Variants in IBTK observed in about 807,000 individuals in gnomAD.
IBTK encodes inhibitor of Bruton tyrosine kinase.
A neutral mutation model predicts 154.9 loss-of-function variants in IBTK; 83 were observed. The ratio of observed to expected loss-of-function variants is 0.54; its 90% CI spans 0.45 to 0.64. The LOEUF is 0.64. IBTK is among the 30% of genes least tolerant of loss of function. The probability of loss-of-function intolerance (pLI) is 0.00; values close to 1 mark genes in which losing one functional copy is unlikely to be tolerated. For missense variants in IBTK, 1,332 were observed against 1,584.6 expected, an observed-to-expected ratio of 0.84 and a Z score of 2.71; for synonymous variants, 515 against 536.1, an observed-to-expected ratio of 0.96 and a Z score of 0.54.
intron 25 of IBTK, chr6:82,188,953 C>G (rs1768655501): frequency 2.5e-6 from 1 of 397,952 alleles, no homozygotes; most frequent in Admixed American, 3.1e-5. Context: ...TCGCTTGAAC[C>G]TAGGAGGCGG....
chr6:82,189,049 T>G, intron 25 of IBTK: 1 of 447,630 alleles, frequency 2.2e-6, no homozygotes, highest in Non-Finnish European at 4.5e-6. Context: ...GAAGAAAAAG[T>G]AAGAAATTTA....
intron 16 of IBTK, among the ~76,000 whole-genome samples, chr6:82,209,654 C>T (rs534399878): frequency 6.6e-6 from 1 of 152,200 alleles, no homozygotes; most frequent in East Asian, 1.9e-4. Context: ...GATAGTTGCA[C>T]AAATTCATAA....
At chr6:82,223,759 G>A in intron 7 of IBTK, 139 bp from the exon 8 acceptor site, 1 of 670,366 alleles carries the variant, frequency 1.5e-6, no homozygotes, top group Non-Finnish European at 2.5e-6. Flanking sequence ...TGGAGCTCGA[G>A]ACCAGCCTGT....
Position 82,214,308 on chromosome 6 carries a change from C to T in IBTK, c.2123G>A (p.Gly708Glu). 1 of 1,613,078 alleles carries T rather than the reference C, an allele frequency of 6.2e-7. No individual in the cohort carries two copies. The highest frequency in any genetic ancestry group is 8.5e-7 in the Non-Finnish European group (1 of 1,179,694). The stretch of plus-strand genomic sequence containing the variant: ...AGGATCATCTTCCCTAATATTTTTT[C>T]CTTTTTTACAAGATTTAGGTTTGCT... ...QKSKPKSCKK[G>E]KNIREDDPVR... Residue 708 changes from glycine to glutamate, a missense_variant, in exon 12 of 29, where the codon GGA (glycine) becomes GAA (glutamate). Gly to Glu is a moderately conservative substitution (Grantham distance 98). Around this residue, in one of 3 missense-constraint regions of IBTK, gnomAD observed 1,134 missense variants for 1,274.7 expected, o/e 0.89. Transcript: ENST00000306270.
At chr6:82,175,534 G>A (rs1022272736) in intron 26 of IBTK, among the ~76,000 whole-genome samples, 1 of 152,056 alleles carries the variant, frequency 6.6e-6, no homozygotes, top group African/African-American at 2.4e-5. Context: ...TTCTTAAAAT[G>A]AACCAAATTT....
Position 82,194,528 on chromosome 6 carries a change from T to C in IBTK, c.3289A>G (p.Asn1097Asp), listed in dbSNP as rs958237256. 1.2e-6 allele frequency: 2 copies of C among 1,605,770 alleles called. No individual in the cohort carries two copies. The highest frequency in any genetic ancestry group is 1.3e-5 in the African/African-American group (1 of 74,770). The stretch of plus-strand genomic sequence containing the variant: ...GCAGAGCTGGTAGTATCAATTCTGT[T>C]ACTGGGAATAGGCTGTGGAGCAGAT... ...KISAPQPIPSNRIDTTSSASW... is the reference protein window; with the variant it reads ...KISAPQPIPSDRIDTTSSASW... Residue 1097 changes from asparagine to aspartate, a missense_variant, in exon 23 of 29, where the codon AAC becomes GAC. Transcript: ENST00000306270.
chr6:82,199,066 T>C (rs1769101902), intron 21 of IBTK, among the ~76,000 whole-genome samples: 1 of 152,174 alleles, frequency 6.6e-6, no homozygotes, highest in South Asian at 2.1e-4. Context: ...ATATGAAGTA[T>C]AATACTAATT....
rs1768333119 is a variant in IBTK at position 82,181,918 on chromosome 6, A to G, written c.3686T>C (p.Phe1229Ser). Residue 1229 changes from phenylalanine to serine, a missense_variant, in exon 26 of 29, where the codon TTT becomes TCT. Physicochemically the swap from Phe to Ser is radical, Grantham distance 155 (BLOSUM62 -2). Coordinates refer to ENST00000306270, the MANE Select transcript of IBTK (RefSeq NM_015525.4). Reference sequence around the variant, plus strand: ...TGCCTGAGAATTTTCAATTCCTTTAAAAGAAACTTTTTTGACATGATCGCC... The same window carrying G: ...TGCCTGAGAATTTTCAATTCCTTTAGAAGAAACTTTTTTGACATGATCGCC... The part of the protein sequence containing the change: ...SSGDHVKKVS[F>S]KGIENSQAPK... 1 of 1,588,966 alleles carries G rather than the reference A, an allele frequency of 6.3e-7. No individual in the cohort carries two copies. Among genetic ancestry groups the G allele is most frequent in the Admixed American group, 2.0e-5 (1 of 50,892 alleles).
intron 28 of IBTK, 121 bp downstream of exon 28, chr6:82,172,259 T>A: frequency 1.1e-6 from 1 of 947,528 alleles, no homozygotes; most frequent in Non-Finnish European, 1.6e-6. Context: ...TTACCTGGCA[T>A]TTACATTTTA....
At chr6:82,239,172 T>C (rs1358893870) in intron 2 of IBTK, among the ~76,000 whole-genome samples, 2 of 152,028 alleles carry the variant, frequency 1.3e-5, no homozygotes, top group Non-Finnish European at 2.9e-5. Context: ...CTGGGCATGG[T>C]GGCTCATGCC....
chr6:82,244,882 G>A (rs747366886), intron 1 of IBTK, among the ~76,000 whole-genome samples: 24 of 151,906 alleles, frequency 1.6e-4, no homozygotes, highest in East Asian at 9.7e-4. Flanking sequence ...GATGAGGTCC[G>A]TGCTATTTCT....
chr6:82,195,277 T>A (rs935721103), intron 22 of IBTK, among the ~76,000 whole-genome samples: 6 of 151,854 alleles, frequency 4.0e-5, no homozygotes, highest in South Asian at 2.1e-4. Flanking sequence ...TCCTATATTT[T>A]AAAAAAAATC....
chr6:82,174,758 T>C (rs1236629396), intron 26 of IBTK: 10 of 348,860 alleles, frequency 2.9e-5, no homozygotes, highest in South Asian at 4.6e-5. Flanking sequence ...ATATATTAAC[T>C]ATTATAGAGA....
chr6:82,203,772 T>C (rs1438751357), intron 17 of IBTK, among the ~76,000 whole-genome samples: 1 of 152,168 alleles, frequency 6.6e-6, no homozygotes, highest in African/African-American at 2.4e-5. Flanking sequence ...ATCACTTATA[T>C]GTATGTCTTA....
At chr6:82,186,374 A>G (rs1250539005) in intron 25 of IBTK, among the ~76,000 whole-genome samples, 1 of 152,206 alleles carries the variant, frequency 6.6e-6, no homozygotes, top group Admixed American at 6.5e-5. Context: ...ATCAACATCA[A>G]GGCAAGATAC....
At chr6:82,228,181 TACA>T (rs943950535) in intron 4 of IBTK, among the ~76,000 whole-genome samples, 3 of 152,132 alleles carry the variant, frequency 2.0e-5, no homozygotes, top group African/African-American at 7.2e-5. Flanking sequence ...TTATATTTCT[TACA>T]ACATCTGCAA....
intron 21 of IBTK, 36 bp from the exon 22 acceptor site, chr6:82,196,482 G>A (rs748196965): frequency 7.0e-7 from 1 of 1,431,702 alleles, no homozygotes; most frequent in Non-Finnish European, 9.6e-7. Flanking sequence ...AAACACATAT[G>A]CATTAAACAT....
At chr6:82,236,625 A>G (rs1168463365) in intron 2 of IBTK, among the ~76,000 whole-genome samples, 2 of 152,224 alleles carry the variant, frequency 1.3e-5, no homozygotes, top group East Asian at 1.9e-4. Context: ...AAGGTTTTAT[A>G]TCTTTGGCAT....
Position 82,214,691 on chromosome 6 carries a change from A to G in IBTK, c.1740T>C (p.Tyr580=), listed in dbSNP as rs1320483986. 13 of 1,614,102 alleles carry G rather than the reference A, an allele frequency of 8.1e-6. No individual in the cohort carries two copies. The highest frequency in any genetic ancestry group is 1.0e-5 in the Non-Finnish European group (12 of 1,180,004). Residue 580 remains tyrosine, a synonymous_variant, in exon 12 of 29, where the codon TAT becomes TAC. Coordinates refer to ENST00000306270, the MANE Select transcript of IBTK (RefSeq NM_015525.4). ...AAAAATCAGAATGCACTGCCAAAAT[A>G]TATTTATGTGCAGGGAAGAGTCTAT... The part of the protein sequence containing the change: ...VGNRLFPAHK[Y]ILAVHSDFFQ...
Sources: allele counts gnomAD v4.1 joint callset (sites outside exome capture counted in the v4.1 genomes callset), GRCh38; gene constraint gnomAD v4.1.1; regional missense constraint gnomAD v4.1.1; transcripts MANE v1.5; gene names NCBI Gene and HGNC (gene_info 2026-07-23, HGNC 2026-07-21).